PDE2A: variants seen among roughly 807,000 people sequenced by gnomAD.
PDE2A encodes the protein phosphodiesterase 2A.
In PDE2A, 53 loss-of-function variants were observed where a neutral mutation model predicts 133.6. The observed-to-expected ratio is 0.40, with a 90% CI of 0.32 to 0.50. The LOEUF (loss-of-function observed/expected upper bound fraction) is 0.50. Among genes scored for constraint, PDE2A ranks in the 20% least tolerant of loss-of-function variants. The probability of loss-of-function intolerance (pLI) is 0.73; values close to 1 mark genes in which losing one functional copy is unlikely to be tolerated. For synonymous variants in PDE2A, 491 were observed against 490.2 expected, an observed-to-expected ratio of 1.00 and a Z score of -0.02; for missense variants, 796 against 1,232.4, an observed-to-expected ratio of 0.65 and a Z score of 5.30.
At chr11:72,582,284 G>T in intron 21 of PDE2A, 160 bp downstream of exon 21, 1 of 728,634 alleles carries the variant, frequency 1.4e-6, no homozygotes, top group Non-Finnish European at 2.2e-6. Flanking sequence ...AGGCCCTATG[G>T]CTTCCTGATG....
At chr11:72,667,067 C>T (rs1239177425) in intron 1 of PDE2A, among the ~76,000 whole-genome samples, 1 of 152,320 alleles carries the variant, frequency 6.6e-6, no homozygotes, top group African/African-American at 2.4e-5. Flanking sequence ...GATCACGCCA[C>T]TGCACTCCAG....
At chr11:72,647,052 T>C (rs2135443867) in intron 1 of PDE2A, among the ~76,000 whole-genome samples, 1 of 152,270 alleles carries the variant, frequency 6.6e-6, no homozygotes, top group South Asian at 2.1e-4. Flanking sequence ...TGTCTGATTC[T>C]TCCCTGAGTC....
intron 2 of PDE2A, among the ~76,000 whole-genome samples, chr11:72,616,507 T>G (rs1857481641): frequency 6.6e-6 from 1 of 152,196 alleles, no homozygotes; most frequent in Non-Finnish European, 1.5e-5. Flanking sequence ...AATGACTGGG[T>G]AAACTCCTGT....
At position 72,580,879 on chromosome 11, in the gene PDE2A, G is replaced by T; in HGVS notation, c.2133+7C>A. The T allele has an allele frequency of 1.9e-6, 3 of 1,550,854 alleles. No homozygotes were observed. The highest frequency in any genetic ancestry group is 1.1e-5 in the South Asian group (1 of 89,826). ...GGGTCCCCACTGTGAGCAGGGCAGG[G>T]TCTTACCGAGGCCACCTGGAAAGAG... On this transcript the variant is annotated splice_region_variant and intron_variant, in intron 24 of 30. Transcript: ENST00000334456.
intron 2 of PDE2A, among the ~76,000 whole-genome samples, chr11:72,624,692 A>ACATT (rs1409929329): frequency 3.0e-4 from 45 of 152,320 alleles, no homozygotes; most frequent in African/African-American, 1.1e-3. Context: ...CACACGTGGT[A>ACATT]GCATGCAATG....
intron 23 of PDE2A, 82 bp downstream of exon 23, chr11:72,581,275 G>T: frequency 7.1e-7 from 1 of 1,418,286 alleles, no homozygotes; most frequent in Non-Finnish European, 9.8e-7. Flanking sequence ...CGTGTAAAGT[G>T]CCTGACACAC....
chr11:72,600,135 C>T (rs1316615508), intron 4 of PDE2A, among the ~76,000 whole-genome samples: 1 of 152,116 alleles, frequency 6.6e-6, no homozygotes, highest in Admixed American at 6.5e-5. Flanking sequence ...GGGCCAGGGC[C>T]CTATGGAGCT....
chr11:72,585,645 C>T (rs978700870), intron 14 of PDE2A, 52 bp from the exon 15 acceptor site: 5 of 1,558,446 alleles, frequency 3.2e-6, no homozygotes, highest in African/African-American at 1.4e-5. Context: ...AGGGGTCACC[C>T]TATCCAACCT....
At chr11:72,606,921 AT>A (rs1473527563) in intron 3 of PDE2A, among the ~76,000 whole-genome samples, 4 of 152,142 alleles carry the variant, frequency 2.6e-5, no homozygotes, top group Non-Finnish European at 5.9e-5. Flanking sequence ...GGAGGGAACC[AT>A]TTCAGACACA....
At position 72,590,469 on chromosome 11, in the gene PDE2A, C is replaced by A; in HGVS notation, c.661G>T (p.Ala221Ser). Residue 221 changes from alanine to serine, a missense_variant, in exon 8 of 31, where the codon GCG becomes TCG. Transcript: ENST00000334456. This position sits in a 1 kb window ranked among gnomAD's most constrained non-coding sequence, Gnocchi z 4.8. ...EGTAEDQKGG[A>S]AYTDRDRKIL... The stretch of plus-strand genomic sequence containing the variant: ...TTGCGGTCGCGGTCGGTGTACGCCG[C>A]CCCGCCCTTCTGGTCTTCCGCCGTC... 1 of 1,540,980 alleles carries A rather than the reference C, an allele frequency of 6.5e-7. No individual in the cohort carries two copies. The highest frequency in any genetic ancestry group is 1.2e-5 in the South Asian group (1 of 80,284).
intron 1 of PDE2A, among the ~76,000 whole-genome samples, chr11:72,664,363 G>GTTTTTTTTTT (rs1565198393): frequency 3.2e-5 from 3 of 92,350 alleles, no homozygotes; most frequent in African/African-American, 1.3e-4. Flanking sequence ...CCCCTTGAAG[G>GTTTTTTTTTT]ATTTTTTTTT....
rs1856578308 is a variant in PDE2A at position 72,598,300 on chromosome 11, C to G, written c.324-681G>C. On this transcript the variant is annotated intron_variant, in intron 4 of 30. Transcript: ENST00000334456. ...TAGGTGGCACCAGGGCTAGGTCTAA[C>G]CACTATGCTGGAACCTTCCCAAATA... 7.2e-5 allele frequency among the ~76,000 whole-genome samples: 11 copies of G among 152,258 alleles called. No individual in the cohort carries two copies. In the South Asian group the frequency reaches 2.1e-3, roughly 29 times the overall value.
chr11:72,615,004 G>A (rs1384567169), intron 2 of PDE2A: 37 of 166,232 alleles, frequency 2.2e-4, no homozygotes, highest in East Asian at 1.6e-4. Flanking sequence ...ACCCCCTCCC[G>A]CTCCATGCCC....
chr11:72,605,424 G>A (rs1024381094), intron 3 of PDE2A, among the ~76,000 whole-genome samples, 198 bp from the exon 4 acceptor site: 1 of 152,178 alleles, frequency 6.6e-6, no homozygotes, highest in African/African-American at 2.4e-5. Flanking sequence ...TAAGCACCTC[G>A]TCCTCTCCTC....
At chr11:72,579,215 G>T (rs925836231) in intron 27 of PDE2A, 69 bp downstream of exon 27, 8 of 1,234,554 alleles carry the variant, frequency 6.5e-6, no homozygotes, top group Non-Finnish European at 9.6e-6. Context: ...CCCTGGGAAT[G>T]CTCCCCTGGC....
At chr11:72,670,728 G>A (rs567764370) in intron 1 of PDE2A, among the ~76,000 whole-genome samples, 2 of 152,216 alleles carry the variant, frequency 1.3e-5, no homozygotes, top group South Asian at 4.2e-4. Context: ...GCCCCAGCCT[G>A]GCCCTACTTC....
Position 72,627,440 on chromosome 11 carries a change from T to C in PDE2A, c.144+14814A>G, listed in dbSNP as rs117616551. On this transcript the variant is annotated intron_variant, in intron 2 of 30. Transcript: ENST00000334456. Reference sequence around the variant, plus strand: ...GTCACAAAGGAGGTGACATTTCATCTGGGCCTTGAAAAGAGAGTAGGTGGA... The same window carrying C: ...GTCACAAAGGAGGTGACATTTCATCCGGGCCTTGAAAAGAGAGTAGGTGGA... Among the ~76,000 whole-genome samples, 497 of 152,328 alleles carry C rather than the reference T, an allele frequency of 3.3e-3. 3 individuals carry two copies. Among genetic ancestry groups the C allele is most frequent in the Non-Finnish European group, 5.7e-3 (385 of 68,022 alleles).
chr11:72,650,876 TACACACAC>T (rs58905066), intron 1 of PDE2A, among the ~76,000 whole-genome samples: 6,820 of 130,226 alleles, frequency 0.052, 214 homozygotes, highest in African/African-American at 0.1. Context: ...CAGTCCCCAC[TACACACAC>T]ACACACACAC....
At chr11:72,596,054 C>T (rs1434282376) in intron 6 of PDE2A, among the ~76,000 whole-genome samples, 1 of 152,116 alleles carries the variant, frequency 6.6e-6, no homozygotes, top group Non-Finnish European at 1.5e-5. Context: ...TGACCATGGC[C>T]TTTCTCTCCT....
Sources: allele counts gnomAD v4.1 joint callset (sites outside exome capture counted in the v4.1 genomes callset), GRCh38; gene constraint gnomAD v4.1.1; non-coding constraint Gnocchi (gnomAD v3.1); transcripts MANE v1.5; gene names NCBI Gene and HGNC (gene_info 2026-07-23, HGNC 2026-07-21).